The following UNK variants were observed in gnomAD, a reference collection of about 807,000 sequenced individuals.
UNK encodes RING finger protein unkempt homolog.
A neutral mutation model predicts 97.6 loss-of-function variants in UNK; 32 were observed. The ratio of observed to expected loss-of-function variants is 0.33; its 90% confidence interval spans 0.25 to 0.44. UNK has a LOEUF of 0.44. Ranked by LOEUF, UNK falls within the 20% of genes least tolerant of loss-of-function variation. The pLI, the probability that UNK is intolerant of heterozygous loss-of-function variation, is 1.00. For missense variants in UNK, 771 were observed against 1,098.4 expected (o/e 0.70, Z 4.21); for synonymous variants, 441 against 461.2 (o/e 0.96, Z 0.56).
intron 1 of UNK, among the ~76,000 whole-genome samples, chr17:75,800,501 G>A (rs1365379661): frequency 6.6e-6 from 1 of 151,740 alleles, no homozygotes; most frequent in Non-Finnish European, 1.5e-5. Flanking sequence ...CACTTTGGGA[G>A]GCCGAGGCGG....
At chr17:75,789,901 G>A (rs2061747729) in intron 1 of UNK, among the ~76,000 whole-genome samples, 1 of 152,066 alleles carries the variant, frequency 6.6e-6, no homozygotes, top group African/African-American at 2.4e-5. Context: ...CCAGCACTTT[G>A]GGAGGCTGAG....
chr17:75,801,464 C>G (rs975920930), intron 1 of UNK, among the ~76,000 whole-genome samples: 1 of 152,154 alleles, frequency 6.6e-6, no homozygotes, highest in Admixed American at 6.5e-5. Context: ...TTGCAATGAG[C>G]TGTGATTACA....
chr17:75,820,216 G>C (rs1183095081), intron 13 of UNK, 108 bp downstream of exon 13: 12 of 1,215,992 alleles, frequency 9.9e-6, no homozygotes, highest in African/African-American at 4.6e-5. Flanking sequence ...TGGGGGTTAG[G>C]GCAGAGGCCT....
At position 75,816,621 on chromosome 17, in the gene UNK, T is replaced by C; in HGVS notation, c.962-149T>C. 1 of 1,005,410 alleles carries C rather than the reference T, an allele frequency of 9.9e-7. No homozygotes were observed. Among genetic ancestry groups the C allele is most frequent in the South Asian group, 2.0e-5 (1 of 48,802 alleles). 62.3% of individuals were successfully genotyped at this position (1,005,410 alleles called of 1,614,324 possible). Reference sequence around the variant, plus strand: ...GGCACAGTGCCTGGCACACAGTAAATGCACAGACATGGTGTTACTAGAGAT... The same window carrying C: ...GGCACAGTGCCTGGCACACAGTAAACGCACAGACATGGTGTTACTAGAGAT... On this transcript the variant is annotated intron_variant, in intron 7 of 15. Transcript: ENST00000589666. The surrounding 1 kb of genome is among the most constrained non-coding windows in gnomAD (Gnocchi z 4.0).
At position 75,823,729 on chromosome 17, in the gene UNK, C is replaced by G. The variant is rs369773505; in HGVS notation, c.2277+207C>G. ...TGAAAAGGCTGGGGGTGAGGGGTGT[C>G]GGTGCCACCCCCAGCACCCCTGAGG... On this transcript the variant is annotated intron_variant, in intron 15 of 15. Coordinates refer to ENST00000589666, the MANE Select transcript of UNK (RefSeq NM_001080419.3). 1.7e-4 allele frequency among the ~76,000 whole-genome samples: 26 copies of G among 152,254 alleles called. 1 individual carries two copies. In the East Asian group the frequency reaches 2.7e-3, roughly 16 times the overall value.
intron 4 of UNK, 116 bp from the exon 5 acceptor site, chr17:75,812,962 G>A: frequency 7.2e-7 from 1 of 1,393,898 alleles, no homozygotes; most frequent in Non-Finnish European, 9.5e-7. Flanking sequence ...TCTGGCAGGG[G>A]CCTCCTGTCT....
intron 1 of UNK, among the ~76,000 whole-genome samples, chr17:75,805,810 ATGTGTGTGTGTG>A (rs61000364): frequency 5.5e-4 from 80 of 145,402 alleles, no homozygotes; most frequent in African/African-American, 1.8e-3. Flanking sequence ...AAAAAGAAAA[ATGTGTGTGTGTG>A]TGTGTGTGTG....
chr17:75,789,364 C>G (rs1266127399), intron 1 of UNK, among the ~76,000 whole-genome samples: 1 of 151,814 alleles, frequency 6.6e-6, no homozygotes, highest in Non-Finnish European at 1.5e-5. Flanking sequence ...GAGACCGAGT[C>G]TCGCTCTGTT....
At chr17:75,795,564 T>G (rs1437226343) in intron 1 of UNK, among the ~76,000 whole-genome samples, 1 of 152,128 alleles carries the variant, frequency 6.6e-6, no homozygotes, top group Non-Finnish European at 1.5e-5. Flanking sequence ...GGTCTCATAC[T>G]CCTGACCTCG....
chr17:75,808,024 A>G (rs1427774236), intron 1 of UNK, among the ~76,000 whole-genome samples: 1 of 152,074 alleles, frequency 6.6e-6, no homozygotes, highest in Non-Finnish European at 1.5e-5. Context: ...CATTCTAACC[A>G]TGCCTCACTC....
rs766279266 is a variant in UNK at position 75,813,763 on chromosome 17, C to T, written c.761C>T (p.Ser254Leu). The stretch of plus-strand genomic sequence containing the variant: ...GACCCCACCCTCTTGTTGGCCAGGT[C>T]GTCTCCATGTCCAAACGTCAAGCAC... ...RRSPRKHKYRSSPCPNVKHGD... is the reference protein window; with the variant it reads ...RRSPRKHKYRLSPCPNVKHGD... Residue 254 changes from serine to leucine, a missense_variant and splice_region_variant, in exon 6 of 16, where the codon TCG becomes TTG. Transcript: ENST00000589666. 1 of 1,583,700 alleles carries T rather than the reference C, an allele frequency of 6.3e-7. No individual in the cohort carries two copies. Among genetic ancestry groups the T allele is most frequent in the Non-Finnish European group, 8.6e-7 (1 of 1,164,974 alleles).
intron 2 of UNK, among the ~76,000 whole-genome samples, chr17:75,810,855 C>T (rs867599630): frequency 6.6e-6 from 1 of 152,196 alleles, no homozygotes; most frequent in Non-Finnish European, 1.5e-5. Context: ...AGGCTAGTCT[C>T]GACCTCCTGA....
In UNK at chr17:75,810,703, C is replaced by A. The variant is rs375700911; in HGVS notation, c.314+734C>A. Among the ~76,000 whole-genome samples, 31 of 152,290 alleles carry A rather than the reference C, an allele frequency of 2.0e-4. No homozygotes were observed. The East Asian group carries it at 2.7e-3, about 13-fold the overall frequency. ...CCAGGCTGGAGTGCAGGGGTGCGAT[C>A]TTGGCTCACTGCAACCTCCACCTCC... On this transcript the variant is annotated intron_variant, in intron 2 of 15. Coordinates refer to ENST00000589666, the MANE Select transcript of UNK (RefSeq NM_001080419.3).
At chr17:75,804,041 G>C (rs1465983330) in intron 1 of UNK, among the ~76,000 whole-genome samples, 1 of 152,216 alleles carries the variant, frequency 6.6e-6, no homozygotes, top group Non-Finnish European at 1.5e-5. Context: ...TACTTCCTGT[G>C]CTGGCAAAAG....
At chr17:75,813,611 T>G in intron 5 of UNK, 150 bp from the exon 6 acceptor site, 2 of 692,442 alleles carry the variant, frequency 2.9e-6, no homozygotes, top group East Asian at 5.5e-5. Flanking sequence ...GAGAAAGAGC[T>G]TGGCTTGTGG....
chr17:75,788,709 T>G (rs2061736197), intron 1 of UNK, among the ~76,000 whole-genome samples: 1 of 145,598 alleles, frequency 6.9e-6, no homozygotes, highest in South Asian at 2.2e-4. Flanking sequence ...CCAGGTTGGT[T>G]GGACAGAGCA....
At position 75,817,492 on chromosome 17, in the gene UNK, T is replaced by C; in HGVS notation, c.1271T>C (p.Val424Ala). 6.2e-7 allele frequency: 1 copy of C among 1,611,906 alleles called. No homozygotes were observed. The highest frequency in any genetic ancestry group is 8.5e-7 in the Non-Finnish European group (1 of 1,178,818). Residue 424 changes from valine to alanine, a missense_variant, in exon 9 of 16, where the codon GTG becomes GCG. Val to Ala is a moderately conservative substitution (Grantham distance 64). Around this residue, in one of 5 missense-constraint regions of UNK, gnomAD observed 192 missense variants for 202.4 expected, o/e 0.95. Coordinates refer to ENST00000589666, the MANE Select transcript of UNK (RefSeq NM_001080419.3). The surrounding 1 kb of genome is among the most constrained non-coding windows in gnomAD (Gnocchi z 5.8). ...KAPGFEREDQVGAEYLKNFKC... is the reference protein window; with the variant it reads ...KAPGFEREDQAGAEYLKNFKC... ...CCCGGCTTCGAGAGGGAAGACCAGG[T>C]GGGAGCCGAGTACCTGAAAAATTTC...
In UNK at chr17:75,824,358, G is replaced by A. The variant is rs556936020; in HGVS notation, c.2374G>A (p.Ala792Thr). 32 of 1,587,318 alleles carry A rather than the reference G, an allele frequency of 2.0e-5. No individual in the cohort carries two copies. The East Asian group carries it at 4.2e-4, about 21-fold the overall frequency. The change falls in exon 16 of 16, where the codon GCT (alanine) becomes ACT (threonine). Residue 792 changes from alanine to threonine, a missense_variant. Physicochemically the swap from Ala to Thr is moderately conservative, Grantham distance 58 (BLOSUM62 0). Transcript: ENST00000589666. The surrounding 1 kb of genome is among the most constrained non-coding windows in gnomAD (Gnocchi z 4.9). ...CQHAALCELC[A>T]EGSECPICQP... ...ACACGCTGCGCTGTGTGAGCTCTGC[G>A]CTGAGGGCAGCGAGTGCCCCATCTG... is the stretch of plus-strand genomic sequence containing the variant.
Position 75,817,039 on chromosome 17 carries a change from CTT to C in UNK, c.1104+130_1104+131del, listed in dbSNP as rs2062022459. 1 of 1,370,678 alleles carries C rather than the reference CTT, an allele frequency of 7.3e-7. No homozygotes were observed. The highest frequency in any genetic ancestry group is 1.5e-5 in the African/African-American group (1 of 68,756). 84.9% of individuals were successfully genotyped at this position (1,370,678 alleles called of 1,614,324 possible). A position where few individuals can be genotyped will look rare whatever the true frequency, so the allele number is the denominator to read the frequency against. ...TTGTCCTCAGGCCAGGGGGATCTGT[CTT>C]TTCCATCTCAGCATTCTTCGTCAAA... On this transcript the variant is annotated intron_variant, in intron 8 of 15. Coordinates refer to ENST00000589666, the MANE Select transcript of UNK (RefSeq NM_001080419.3). The surrounding 1 kb of genome is among the most constrained non-coding windows in gnomAD (Gnocchi z 5.8).
Sources: allele counts gnomAD v4.1 joint callset (sites outside exome capture counted in the v4.1 genomes callset), GRCh38; gene constraint gnomAD v4.1.1; regional missense constraint gnomAD v4.1.1; non-coding constraint Gnocchi (gnomAD v3.1); transcripts MANE v1.5; gene names NCBI Gene and HGNC (gene_info 2026-07-23, HGNC 2026-07-21).